TES: variants seen among roughly 807,000 people sequenced by gnomAD.
TES encodes the protein testin LIM domain protein.
In TES, 41 loss-of-function variants were observed where a neutral mutation model predicts 48.2. That is an observed-to-expected ratio of 0.85 (90% confidence interval 0.66 to 1.10). TES has a LOEUF of 1.10. Ranked by LOEUF, TES falls within the 50% of genes least tolerant of loss-of-function variation. The probability of loss-of-function intolerance (pLI) is 0.00; values close to 1 mark genes in which losing one functional copy is unlikely to be tolerated. For synonymous variants in TES, 162 were observed against 174.9 expected (o/e 0.93, Z 0.58); for missense variants, 463 against 515.1 (o/e 0.90, Z 0.98).
At chr7:116,230,660 T>C (rs190155088) in intron 1 of TES, among the ~76,000 whole-genome samples, 24 of 152,304 alleles carry the variant, frequency 1.6e-4, no homozygotes, top group Admixed American at 1.2e-3. Context: ...GCCTAAGACA[T>C]GGCATTGAAT....
chr7:116,227,262 A>C (rs1426946679), intron 1 of TES, among the ~76,000 whole-genome samples: 1 of 150,872 alleles, frequency 6.6e-6, no homozygotes, highest in Non-Finnish European at 1.5e-5. Flanking sequence ...GATTACAGGC[A>C]TCTATCACCG....
rs891364122 is a variant in TES at position 116,249,204 on chromosome 7, G to T, written c.298G>T (p.Ala100Ser). Residue 100 changes from alanine (A) to serine (S), a missense_variant, in exon 3 of 7, where the codon GCC (alanine) becomes TCC (serine). Ala to Ser is a moderately conservative substitution (Grantham distance 99). Coordinates refer to ENST00000358204, the MANE Select transcript of TES (RefSeq NM_015641.4). The stretch of plus-strand genomic sequence containing the variant: ...TATGATATTGACGAATCCAGTTGCT[G>T]CCAAGAAGAATGTCTCCATCAATAC... ...NVMILTNPVAAKKNVSINTVT... is the reference protein window; with the variant it reads ...NVMILTNPVASKKNVSINTVT... 1 of 1,614,074 alleles carries T rather than the reference G, an allele frequency of 6.2e-7. No individual in the cohort carries two copies. The highest frequency in any genetic ancestry group is 8.5e-7 in the Non-Finnish European group (1 of 1,179,972).
At chr7:116,232,007 T>G (rs1799706929) in intron 1 of TES, among the ~76,000 whole-genome samples, 3 of 152,208 alleles carry the variant, frequency 2.0e-5, no homozygotes, top group African/African-American at 7.2e-5. Context: ...CTTTGCAAAG[T>G]TGACTTTGTA....
At chr7:116,217,657 T>A in intron 1 of TES, 1 of 386,140 alleles carries the variant, frequency 2.6e-6, no homozygotes, top group Non-Finnish European at 5.1e-6. Flanking sequence ...ATTGCAAAAC[T>A]GCAGATTTTC....
At chr7:116,222,102 G>A (rs1584611254) in intron 1 of TES, among the ~76,000 whole-genome samples, 1 of 152,060 alleles carries the variant, frequency 6.6e-6, no homozygotes, top group Non-Finnish European at 1.5e-5. Context: ...ATAAGGGATG[G>A]TGTGAAAAGG....
rs1280670802 is a variant in TES, at chr7:116,257,321, G to A, written c.1105G>A (p.Asp369Asn). ...GTGTCAAGGATGCCACAATGCCATCGACCCAGAAGTGCAGCGGGTGACCTA... is the reference window on the plus strand; with the variant it reads ...GTGTCAAGGATGCCACAATGCCATCAACCCAGAAGTGCAGCGGGTGACCTA... ...VVCQGCHNAI[D>N]PEVQRVTYNN... is the part of the protein sequence containing the mutation. Residue 369 changes from aspartate (D) to asparagine (N), a missense_variant, in exon 7 of 7, where the codon GAC (aspartate) becomes AAC (asparagine). Transcript: ENST00000358204. The A allele has an allele frequency of 1.1e-5, 17 of 1,612,072 alleles. No individual in the cohort carries two copies. The highest frequency in any genetic ancestry group is 1.7e-5 in the Admixed American group (1 of 59,538).
At chr7:116,244,116 C>G (rs1799889922) in intron 2 of TES, among the ~76,000 whole-genome samples, 1 of 152,152 alleles carries the variant, frequency 6.6e-6, no homozygotes, top group African/African-American at 2.4e-5. Flanking sequence ...GGTGGGGACA[C>G]AGCCAAACCA....
At chr7:116,226,394 G>A (rs1799621408) in intron 1 of TES, among the ~76,000 whole-genome samples, 1 of 152,094 alleles carries the variant, frequency 6.6e-6, no homozygotes, top group Admixed American at 6.6e-5. Context: ...TGAGTCTGTG[G>A]GCCCAGTAGA....
intron 1 of TES, among the ~76,000 whole-genome samples, chr7:116,224,542 TTTTAA>T (rs1400801087): frequency 1.3e-5 from 2 of 152,150 alleles, no homozygotes; most frequent in African/African-American, 4.8e-5. Context: ...TTGCTCATTC[TTTTAA>T]TTTTTTTTTT....
At chr7:116,246,100 C>T (rs1331022770) in intron 2 of TES, among the ~76,000 whole-genome samples, 1 of 152,122 alleles carries the variant, frequency 6.6e-6, no homozygotes, top group East Asian at 1.9e-4. Flanking sequence ...ATCACTGAGC[C>T]TTCCCTTTGC....
rs758440973 is a variant in TES at position 116,257,504 on chromosome 7, C to T, written c.*22C>T. The T allele has an allele frequency of 5.8e-6, 9 of 1,542,610 alleles. No individual in the cohort carries two copies. Among genetic ancestry groups the T allele is most frequent in the Admixed American group, 4.0e-5 (2 of 49,596 alleles). ...TTAGGAGGAGGGCACCCAGAAGTAT[C>T]GAGCCATAGCTATCCAAAGTGGTCT... On this transcript the variant is annotated 3_prime_UTR_variant, in exon 7 of 7. Transcript: ENST00000358204.
At chr7:116,222,935 A>C in intron 1 of TES, 3 of 978,216 alleles carry the variant, frequency 3.1e-6, no homozygotes, top group Non-Finnish European at 3.6e-6. Flanking sequence ...AATAATTGTG[A>C]CATTTTTATA....
chr7:116,247,188 G>A (rs1306750808), intron 2 of TES, among the ~76,000 whole-genome samples: 1 of 151,872 alleles, frequency 6.6e-6, no homozygotes, highest in Non-Finnish European at 1.5e-5. Flanking sequence ...CAAAGGGAAG[G>A]AAATGGAGGG....
chr7:116,240,689 C>A (rs772352081), intron 2 of TES, among the ~76,000 whole-genome samples: 14 of 152,194 alleles, frequency 9.2e-5, no homozygotes, highest in African/African-American at 1.2e-4. Context: ...GAATCCCCTT[C>A]CCTTTTTTTC....
Position 116,257,851 on chromosome 7 carries a change from TCCCCC to T in TES, c.*370_*374del, listed in dbSNP as rs1800126162. On this transcript the variant is annotated 3_prime_UTR_variant, in exon 7 of 7. Transcript: ENST00000358204. Reference sequence around the variant, plus strand: ...CATTCCTAGTTCTACACTTCTTTTTTCCCCCTCATGTGTAAAATGAAAAGAAAACT... The same window carrying T: ...CATTCCTAGTTCTACACTTCTTTTTTTCATGTGTAAAATGAAAAGAAAACT... 1.3e-5 allele frequency: 2 copies of T among 158,322 alleles called. No homozygotes were observed. The highest frequency in any genetic ancestry group is 2.8e-5 in the Non-Finnish European group (2 of 72,624). The allele number at this position is 158,322 out of a possible 1,614,324, so 9.8% of individuals were successfully genotyped here. A position where few individuals can be genotyped will look rare whatever the true frequency, so the allele number is the denominator to read the frequency against.
chr7:116,247,713 G>GTT (rs2116621770), intron 2 of TES, among the ~76,000 whole-genome samples: 1 of 152,174 alleles, frequency 6.6e-6, no homozygotes, highest in East Asian at 1.9e-4. Context: ...AGAAAATTCA[G>GTT]TTGAAACGTT....
chr7:116,244,412 A>AGATCAAAAT (rs1414565024), intron 2 of TES, among the ~76,000 whole-genome samples: 7 of 152,238 alleles, frequency 4.6e-5, no homozygotes, highest in Admixed American at 1.3e-4. Context: ...GCCCTATGGG[A>AGATCAAAAT]GATCAAAATC....
intron 2 of TES, among the ~76,000 whole-genome samples, chr7:116,240,447 C>T (rs1354325925): frequency 7.2e-5 from 11 of 151,960 alleles, no homozygotes; most frequent in Admixed American, 2.0e-4. Context: ...CTCCCAGGCT[C>T]GCTCTTTCTC....
chr7:116,252,387 G>A lies in TES; in HGVS notation c.988G>A (p.Asp330Asn), dbSNP rs778525930. ...NWHLKHFCCF[D>N]CDSILAGEIY... is the part of the protein sequence containing the mutation. Reference sequence around the variant, plus strand: ...GCACCTGAAACACTTCTGCTGCTTTGACTGTGATAGCATTCTAGCTGGGGA... The same window carrying A: ...GCACCTGAAACACTTCTGCTGCTTTAACTGTGATAGCATTCTAGCTGGGGA... The change falls in exon 6 of 7, where the codon GAC (aspartate) becomes AAC (asparagine). Residue 330 changes from aspartate to asparagine, a missense_variant. Asp to Asn is a conservative substitution (Grantham distance 23). Coordinates refer to ENST00000358204, the MANE Select transcript of TES (RefSeq NM_015641.4). 5 of 1,614,092 alleles carry A rather than the reference G, an allele frequency of 3.1e-6. No homozygotes were observed. Among genetic ancestry groups the A allele is most frequent in the Admixed American group, 1.7e-5 (1 of 60,012 alleles).
Sources: allele counts gnomAD v4.1 joint callset (sites outside exome capture counted in the v4.1 genomes callset), GRCh38; gene constraint gnomAD v4.1.1; transcripts MANE v1.5; gene names NCBI Gene and HGNC (gene_info 2026-07-23, HGNC 2026-07-21).